SGMS1: variants seen among roughly 807,000 people sequenced by gnomAD.
The protein encoded by SGMS1 is phosphatidylcholine:ceramide cholinephosphotransferase 1.
A neutral mutation model predicts 46.2 loss-of-function variants in SGMS1; 13 were observed. The ratio of observed to expected loss-of-function variants is 0.28; its 90% CI spans 0.18 to 0.45. The LOEUF is 0.45. Ranked by LOEUF, SGMS1 falls within the 20% of genes least tolerant of loss-of-function variation. The probability of loss-of-function intolerance (pLI) is 1.00; values close to 1 mark genes in which losing one functional copy is unlikely to be tolerated. For synonymous variants in SGMS1, 203 were observed against 187.8 expected, an observed-to-expected ratio of 1.08 and a Z score of -0.66; for missense variants, 324 against 519.9, an observed-to-expected ratio of 0.62 and a Z score of 3.66.
intron 6 of SGMS1, among the ~76,000 whole-genome samples, chr10:50,370,260 T>C (rs749741340): frequency 6.6e-6 from 1 of 152,162 alleles, no homozygotes; most frequent in Non-Finnish European, 1.5e-5. Context: ...TTTATCTTAC[T>C]GTAACATTTT....
At chr10:50,487,970 T>G (rs1312426749) in intron 3 of SGMS1, among the ~76,000 whole-genome samples, 2 of 149,638 alleles carry the variant, frequency 1.3e-5, no homozygotes, top group Non-Finnish European at 3.0e-5. Context: ...TTTCCTGATT[T>G]TTATTTTGTT....
chr10:50,488,341 C>T (rs1837540105), intron 3 of SGMS1, among the ~76,000 whole-genome samples: 1 of 151,994 alleles, frequency 6.6e-6, no homozygotes, highest in South Asian at 2.1e-4. Flanking sequence ...AAACAAGAGC[C>T]TCCAGAACCC....
At chr10:50,593,527 G>A (rs1347795018) in intron 1 of SGMS1, among the ~76,000 whole-genome samples, 1 of 151,752 alleles carries the variant, frequency 6.6e-6, no homozygotes, top group Non-Finnish European at 1.5e-5. Context: ...AGCCGTGTGT[G>A]TGTGTCTTTC....
intron 3 of SGMS1, among the ~76,000 whole-genome samples, chr10:50,492,754 C>G (rs1837577418): frequency 2.0e-5 from 3 of 152,102 alleles, no homozygotes. Context: ...TCAATGCTTT[C>G]CTATTAAACC....
chr10:50,574,631 T>C (rs1327671359), intron 2 of SGMS1, among the ~76,000 whole-genome samples: 1 of 152,192 alleles, frequency 6.6e-6, no homozygotes, highest in African/African-American at 2.4e-5. Context: ...ATCCCACTTG[T>C]GGGTATATAT....
chr10:50,332,611 CTTTTTTTTTTT>C (rs150975310), intron 7 of SGMS1, among the ~76,000 whole-genome samples: 2 of 72,710 alleles, frequency 2.8e-5, no homozygotes, highest in African/African-American at 5.8e-5. Context: ...TTTTTTAAGT[CTTTTTTTTTTT>C]TTTTTTTTTT....
At chr10:50,509,294 CT>C (rs1189880957) in intron 3 of SGMS1, among the ~76,000 whole-genome samples, 1 of 152,144 alleles carries the variant, frequency 6.6e-6, no homozygotes, top group Non-Finnish European at 1.5e-5. Context: ...TTTAAGAGCT[CT>C]ACAGCTTCAA....
At chr10:50,412,900 T>C (rs1849120891) in intron 6 of SGMS1, among the ~76,000 whole-genome samples, 1 of 152,228 alleles carries the variant, frequency 6.6e-6, no homozygotes, top group East Asian at 1.9e-4. Context: ...CTTTAGTGCA[T>C]ATTCTTCATT....
intron 5 of SGMS1, among the ~76,000 whole-genome samples, chr10:50,458,576 G>A (rs892624847): frequency 9.2e-5 from 14 of 151,770 alleles, no homozygotes; most frequent in African/African-American, 3.1e-4. Flanking sequence ...AGCCATGATG[G>A]TCTCAATCTC....
intron 4 of SGMS1, among the ~76,000 whole-genome samples, chr10:50,461,650 G>A (rs1478414409): frequency 6.6e-6 from 1 of 152,004 alleles, no homozygotes; most frequent in Non-Finnish European, 1.5e-5. Context: ...TAAATCTCAG[G>A]ACAATCGTTA....
At chr10:50,337,451 A>G (rs7082941) in intron 7 of SGMS1, among the ~76,000 whole-genome samples, 86,168 of 151,842 alleles carry the variant, frequency 0.57, 24,987 homozygotes, top group East Asian at 0.85. Flanking sequence ...CTCCCCCTCC[A>G]ACTTCATATC....
chr10:50,548,408 A>C (rs1838119597), intron 2 of SGMS1, among the ~76,000 whole-genome samples: 1 of 152,216 alleles, frequency 6.6e-6, no homozygotes, highest in Non-Finnish European at 1.5e-5. Flanking sequence ...ATAAGAGTAC[A>C]CATCTACAGC....
In SGMS1 at chr10:50,349,913, T is replaced by C. The variant is rs139672197; in HGVS notation, c.-231-5568A>G. 3.2e-4 allele frequency among the ~76,000 whole-genome samples: 48 copies of C among 152,006 alleles called. No individual in the cohort carries two copies. In the East Asian group the frequency reaches 8.1e-3, roughly 26 times the overall value. On this transcript the variant is annotated intron_variant, in intron 6 of 10. Transcript: ENST00000361781. Reference sequence around the variant, plus strand: ...ATACAGTACATTGGTACCAGTAGAGTAGGGTGTTGCTGAAAAGATATCTGA... The same window carrying C: ...ATACAGTACATTGGTACCAGTAGAGCAGGGTGTTGCTGAAAAGATATCTGA...
Position 50,615,562 on chromosome 10 carries a change from G to C in SGMS1, c.-684+8145C>G, listed in dbSNP as rs1247195578. Reference sequence around the variant, plus strand: ...GATCCAAACCCAGGGTCCAGGGTCAGGGCTCTTCACCACTGTACTATAAGA... The same window carrying C: ...GATCCAAACCCAGGGTCCAGGGTCACGGCTCTTCACCACTGTACTATAAGA... On this transcript the variant is annotated intron_variant, in intron 1 of 10. Transcript: ENST00000361781. Among the ~76,000 whole-genome samples, 4 of 152,148 alleles carry C rather than the reference G, an allele frequency of 2.6e-5. No homozygotes were observed. The East Asian group carries it at 7.7e-4, about 29-fold the overall frequency.
At chr10:50,356,491 C>T (rs1489844684) in intron 6 of SGMS1, among the ~76,000 whole-genome samples, 3 of 152,170 alleles carry the variant, frequency 2.0e-5, no homozygotes, top group Non-Finnish European at 4.4e-5. Flanking sequence ...TATCTGCTGA[C>T]CTTCCCTCCA....
chr10:50,522,087 T>A (rs919326893), intron 2 of SGMS1, among the ~76,000 whole-genome samples: 2 of 152,176 alleles, frequency 1.3e-5, no homozygotes, highest in Non-Finnish European at 2.9e-5. Flanking sequence ...TCCCTCCATA[T>A]TACCATTCAT....
intron 2 of SGMS1, among the ~76,000 whole-genome samples, chr10:50,577,547 C>T (rs1178425832): frequency 6.6e-6 from 1 of 152,206 alleles, no homozygotes; most frequent in African/African-American, 2.4e-5. Flanking sequence ...CTCTGCAGTA[C>T]TGTCCTTCCT....
chr10:50,394,923 A>T (rs1848824738), intron 6 of SGMS1, among the ~76,000 whole-genome samples: 1 of 152,228 alleles, frequency 6.6e-6, no homozygotes, highest in African/African-American at 2.4e-5. Flanking sequence ...CCAGATTAAC[A>T]AATCACTATA....
intron 2 of SGMS1, among the ~76,000 whole-genome samples, chr10:50,585,642 C>T (rs1009812187): frequency 2.0e-5 from 3 of 152,140 alleles, no homozygotes; most frequent in South Asian, 2.1e-4. Flanking sequence ...CCCTACACCA[C>T]GATGTCATAT....
Sources: allele counts gnomAD v4.1 joint callset (sites outside exome capture counted in the v4.1 genomes callset), GRCh38; gene constraint gnomAD v4.1.1; transcripts MANE v1.5; gene names NCBI Gene and HGNC (gene_info 2026-07-23, HGNC 2026-07-21).